Variants in GCKR observed in about 807,000 individuals in gnomAD.
GCKR encodes glucokinase regulatory protein.
In GCKR, 73 loss-of-function variants were observed where a neutral mutation model predicts 82.9. The observed-to-expected ratio is 0.88, with a 90% CI of 0.73 to 1.07. GCKR has a LOEUF of 1.07. Among genes scored for constraint, GCKR ranks in the 50% least tolerant of loss-of-function variants. GCKR has a pLI of 0.00. For synonymous variants in GCKR, 294 were observed against 291.8 expected (o/e 1.01, Z -0.08); for missense variants, 784 against 782.1 (o/e 1.00, Z -0.03).
intron 16 of GCKR, among the ~76,000 whole-genome samples, chr2:27,511,861 A>G (rs1669891560): frequency 6.6e-6 from 1 of 152,272 alleles, no homozygotes; most frequent in African/African-American, 2.4e-5. Context: ...GGTGCAAGGA[A>G]CACCCATATA....
At position 27,501,206 on chromosome 2, in the gene GCKR, C is replaced by T. The variant is rs1669567721; in HGVS notation, c.621C>T (p.Gly207=). The T allele has an allele frequency of 6.2e-7, 1 of 1,613,430 alleles. No homozygotes were observed. Among genetic ancestry groups the T allele is most frequent in the Non-Finnish European group, 8.5e-7 (1 of 1,179,434 alleles). Residue 207 remains glycine, a synonymous_variant, in exon 8 of 19, where the codon GGC becomes GGT. Transcript: ENST00000264717. ...NTAVFLPVLV[G]FNPVSMARND... ...CTGTCTTCTTGCCAGTCCTGGTTGG[C>T]TTCAATCCAGTGAGCATGGCCAGGT... is the stretch of plus-strand genomic sequence containing the variant.
intron 2 of GCKR, 81 bp downstream of exon 2, chr2:27,497,480 C>A: frequency 6.3e-7 from 1 of 1,582,860 alleles, no homozygotes; most frequent in African/African-American, 1.3e-5. Context: ...ACCATGGCTC[C>A]TAATATCGGA....
chr2:27,511,832 T>C (rs1245773535), intron 16 of GCKR, among the ~76,000 whole-genome samples: 2 of 152,222 alleles, frequency 1.3e-5, no homozygotes, highest in African/African-American at 4.8e-5. Flanking sequence ...AAATCAAACC[T>C]ACAGAAAAAT....
chr2:27,518,953 G>T lies in GCKR; in HGVS notation c.1572+16G>T. ...CATGCTGCAGGTAGGGATATGATGG[G>T]GCAGGGTTGGGTGGGACCTGGCCTC... On this transcript the variant is annotated intron_variant, in intron 17 of 18. Coordinates refer to ENST00000264717, the MANE Select transcript of GCKR (RefSeq NM_001486.4). The T allele has an allele frequency of 1.9e-6, 3 of 1,597,084 alleles. No individual in the cohort carries two copies. Among genetic ancestry groups the T allele is most frequent in the South Asian group, 1.1e-5 (1 of 90,638 alleles).
chr2:27,503,207 C>T (rs1402268324), intron 8 of GCKR, among the ~76,000 whole-genome samples: 2 of 152,170 alleles, frequency 1.3e-5, no homozygotes, highest in East Asian at 1.9e-4. Context: ...CAGAGAGTGA[C>T]ATTAGTATAG....
At chr2:27,517,765 A>G (rs894335957) in intron 16 of GCKR, among the ~76,000 whole-genome samples, 1 of 152,222 alleles carries the variant, frequency 6.6e-6, no homozygotes, top group Non-Finnish European at 1.5e-5. Flanking sequence ...GGGCAGTTTT[A>G]TACTCGCGAT....
intron 16 of GCKR, among the ~76,000 whole-genome samples, chr2:27,517,158 T>G (rs1178946493): frequency 5.3e-5 from 8 of 151,926 alleles, no homozygotes; most frequent in Non-Finnish European, 8.8e-5. Context: ...GACTTACAGG[T>G]GCTTGCTACC....
chr2:27,508,559 C>T (rs561416495), intron 16 of GCKR, among the ~76,000 whole-genome samples: 61 of 152,290 alleles, frequency 4.0e-4, no homozygotes, highest in African/African-American at 1.4e-3. Context: ...CTCACTCTGT[C>T]GCCCAGGCTG....
chr2:27,501,766 A>G, intron 8 of GCKR: 1 of 470,884 alleles, frequency 2.1e-6, no homozygotes, highest in Non-Finnish European at 4.4e-6. Flanking sequence ...TTACCAAATC[A>G]CCTCCCTCTT....
chr2:27,521,672 A>G (rs1670158379), intron 17 of GCKR, among the ~76,000 whole-genome samples: 1 of 150,758 alleles, frequency 6.6e-6, no homozygotes, highest in Non-Finnish European at 1.5e-5. Context: ...TAATGCAGCT[A>G]CTGAAAACTT....
chr2:27,518,968 G>GT, intron 17 of GCKR, 31 bp downstream of exon 17: 1 of 743,116 alleles, frequency 1.3e-6, no homozygotes, highest in Non-Finnish European at 2.4e-6. Context: ...GGTTGGGTGG[G>GT]ACCTGGCCTC....
intron 16 of GCKR, among the ~76,000 whole-genome samples, chr2:27,512,051 C>A (rs1669895468): frequency 1.3e-5 from 2 of 151,968 alleles, no homozygotes; most frequent in African/African-American, 4.8e-5. Flanking sequence ...CCAGCCTGAT[C>A]AACATGGTGA....
intron 16 of GCKR, among the ~76,000 whole-genome samples, chr2:27,513,612 A>G (rs909196425): frequency 4.6e-5 from 7 of 151,136 alleles, no homozygotes; most frequent in African/African-American, 7.3e-5. Flanking sequence ...TTTAGTGTCA[A>G]TATGGACTCA....
chr2:27,509,109 C>A (rs972915115), intron 16 of GCKR, among the ~76,000 whole-genome samples: 2 of 152,106 alleles, frequency 1.3e-5, no homozygotes, highest in Non-Finnish European at 2.9e-5. Flanking sequence ...ATCTCTGGTT[C>A]TCAGTTTTCT....
chr2:27,522,473 AGTC>A lies in GCKR; in HGVS notation c.1587_1589del (p.Gln529_Ser530delinsHis). 2 of 1,613,954 alleles carry A rather than the reference AGTC, an allele frequency of 1.2e-6. No individual in the cohort carries two copies. The highest frequency in any genetic ancestry group is 1.7e-6 in the Non-Finnish European group (2 of 1,179,880). ...CTTCTTCCTTAGCGGTTCTCTGGAC[AGTC>A]CAAGGCTCGATGCATCGAGAGCCTC... On this transcript the variant is annotated inframe_deletion, in exon 18 of 19. Coordinates refer to ENST00000264717, the MANE Select transcript of GCKR (RefSeq NM_001486.4).
At chr2:27,505,425 AAAAAG>A (rs1212865681) in intron 9 of GCKR, among the ~76,000 whole-genome samples, 2 of 151,480 alleles carry the variant, frequency 1.3e-5, no homozygotes, top group Admixed American at 1.3e-4. Flanking sequence ...AAAAAGAAAA[AAAAAG>A]AAAACAAAGA....
intron 16 of GCKR, among the ~76,000 whole-genome samples, chr2:27,511,770 GTTTTC>G (rs1669889297): frequency 6.6e-6 from 1 of 151,912 alleles, no homozygotes; most frequent in Non-Finnish European, 1.5e-5. Flanking sequence ...GTTTTGTTTT[GTTTTC>G]TTTTTTGCCT....
chr2:27,519,885 T>A (rs901228033), intron 17 of GCKR, among the ~76,000 whole-genome samples: 6 of 151,936 alleles, frequency 3.9e-5, no homozygotes, highest in Non-Finnish European at 5.9e-5. Flanking sequence ...CCAACCTCAT[T>A]ACCTGAGCAT....
rs1429488974 is a variant in GCKR, at chr2:27,508,148, T to C, written c.1339-20T>C. On this transcript the variant is annotated intron_variant, in intron 15 of 18. Coordinates refer to ENST00000264717, the MANE Select transcript of GCKR (RefSeq NM_001486.4). Reference sequence around the variant, plus strand: ...GCCTTCCTGGAGATGCCTCTCCTGCTCCTCTTTCTCTCTCTCCAGATCCCT... The same window carrying C: ...GCCTTCCTGGAGATGCCTCTCCTGCCCCTCTTTCTCTCTCTCCAGATCCCT... 1 of 1,595,806 alleles carries C rather than the reference T, an allele frequency of 6.3e-7. No individual in the cohort carries two copies. The highest frequency in any genetic ancestry group is 8.6e-7 in the Non-Finnish European group (1 of 1,163,414).
Sources: gnomAD v4.1 joint callset for allele counts (sites outside exome capture counted in the v4.1 genomes callset) on GRCh38, gnomAD v4.1.1 for gene constraint, MANE v1.5 for transcripts, NCBI Gene and HGNC (gene_info 2026-07-23, HGNC 2026-07-21) for gene names.